Variants in CFAP92 observed in about 807,000 individuals in gnomAD.
CFAP92 encodes the protein cilia and flagella associated protein 92 (putative), also known as uncharacterized protein CFAP92.
In CFAP92, 86 loss-of-function variants were observed where a neutral mutation model predicts 106.3. The ratio of observed to expected loss-of-function variants is 0.81; its 90% CI spans 0.68 to 0.97. CFAP92 has a LOEUF of 0.97. CFAP92 is among the 50% of genes least tolerant of loss of function. The pLI is 0.00. For missense variants in CFAP92, 1,204 were observed against 1,283.8 expected (o/e 0.94, Z 0.95); for synonymous variants, 477 against 506.4 (o/e 0.94, Z 0.78).
chr3:128,981,046 T>G (rs1943497327), intron 4 of CFAP92, among the ~76,000 whole-genome samples: 1 of 151,822 alleles, frequency 6.6e-6, no homozygotes, highest in Admixed American at 6.6e-5. Context: ...TTCTTTTTTT[T>G]TTTTTTTCGA....
At chr3:128,971,177 G>A in intron 8 of CFAP92, 110 bp downstream of exon 8, 1 of 1,549,656 alleles carries the variant, frequency 6.5e-7, no homozygotes, top group African/African-American at 1.4e-5. Context: ...GTGGCTGTGA[G>A]GATGAAATGA....
At chr3:129,019,023 C>T in the CFAP92 span, among the ~76,000 whole-genome samples, 20 of 152,330 alleles carry the variant, frequency 1.3e-4, no homozygotes, top group Non-Finnish European at 1.3e-4. Context: ...TGTCCTCCCC[C>T]ACACCACCGT....
chr3:128,988,943 C>A, intron 2 of CFAP92, 25 bp from the exon 3 acceptor site: 3 of 1,580,468 alleles, frequency 1.9e-6, no homozygotes, highest in South Asian at 2.2e-5. Context: ...TTGAAAAAGT[C>A]TCGTTTTAAC....
At chr3:129,021,569 C>T in the CFAP92 span, among the ~76,000 whole-genome samples, 4 of 152,092 alleles carry the variant, frequency 2.6e-5, no homozygotes, top group South Asian at 2.1e-4. Context: ...ATTGAAACTC[C>T]GTCTCAAAAA....
chr3:129,020,584 C>T, the CFAP92 span, among the ~76,000 whole-genome samples: 1 of 152,152 alleles, frequency 6.6e-6, no homozygotes, highest in Non-Finnish European at 1.5e-5. Flanking sequence ...CTGCAGTGAG[C>T]TGAGATCACG....
At chr3:128,914,347 C>T (rs990617890) in intron 15 of CFAP92, among the ~76,000 whole-genome samples, 15 of 152,090 alleles carry the variant, frequency 9.9e-5, no homozygotes, top group African/African-American at 3.6e-4. Context: ...CTAGGGCCTA[C>T]TGGGGAGGGA....
Position 128,945,129 on chromosome 3 carries a change from T to A in CFAP92, c.2200A>T (p.Ile734Phe). 1 of 1,535,746 alleles carries A rather than the reference T, an allele frequency of 6.5e-7. No homozygotes were observed. Among genetic ancestry groups the A allele is most frequent in the Non-Finnish European group, 8.7e-7 (1 of 1,146,598 alleles). ...HLLDGKTHLF[I>F]LEGLADQGLR... ...CCTTGGTCGGCCAGGCCTTCCAGGA[T>A]GAAAAGGTGTGTCTTCCCGTCCAGC... is the stretch of plus-strand genomic sequence containing the variant. The change falls in exon 10 of 16, where the codon ATC becomes TTC. Residue 734 changes from isoleucine to phenylalanine, a missense_variant. Transcript: ENST00000645291.
intron 10 of CFAP92, among the ~76,000 whole-genome samples, chr3:128,941,709 T>C (rs999899318): frequency 6.6e-6 from 1 of 152,212 alleles, no homozygotes; most frequent in African/African-American, 2.4e-5. Flanking sequence ...ACTCCTGACC[T>C]CAGGCGATCC....
At chr3:128,993,911 A>T (rs1423542396) in intron 1 of CFAP92, 69 bp downstream of exon 1, 1 of 970,866 alleles carries the variant, frequency 1.0e-6, no homozygotes, top group African/African-American at 1.8e-5. Flanking sequence ...GCGAGGCGGG[A>T]AGAGTCCCGG....
At chr3:128,910,464 C>G in intron 15 of CFAP92, 131 bp from the exon 16 acceptor site, 1 of 909,952 alleles carries the variant, frequency 1.1e-6, no homozygotes, top group South Asian at 1.7e-5. Context: ...CCACTGTATA[C>G]CAGGATCTCT....
At chr3:128,960,777 T>G in intron 9 of CFAP92, among the ~76,000 whole-genome samples, 1 of 152,254 alleles carries the variant, frequency 6.6e-6, no homozygotes, top group Admixed American at 6.5e-5. Flanking sequence ...AGTCCCGCTT[T>G]CCTGGGGCAG....
intron 7 of CFAP92, 26 bp from the exon 8 acceptor site, chr3:128,971,459 G>A (rs537073426): frequency 6.5e-7 from 1 of 1,537,884 alleles, no homozygotes; most frequent in South Asian, 1.2e-5. Flanking sequence ...AAGGAGATGA[G>A]CATTAAGAGG....
At chr3:128,950,473 C>T (rs1369907247) in intron 9 of CFAP92, among the ~76,000 whole-genome samples, 1 of 152,206 alleles carries the variant, frequency 6.6e-6, no homozygotes, top group East Asian at 1.9e-4. Context: ...AAGCGGACTA[C>T]ACACGTGACG....
intron 12 of CFAP92, among the ~76,000 whole-genome samples, chr3:128,932,358 G>A (rs1425071988): frequency 1.4e-5 from 2 of 139,780 alleles, no homozygotes; most frequent in Non-Finnish European, 1.5e-5. Context: ...CTTATGCCCT[G>A]AGCAGCGTAA....
At chr3:128,910,804 C>G (rs1936209143) in intron 15 of CFAP92, 2 of 1,614,198 alleles carry the variant, frequency 1.2e-6, no homozygotes, top group Non-Finnish European at 8.5e-7. Context: ...CCTCTCTCAG[C>G]TGGACAAGTG....
intron 12 of CFAP92, among the ~76,000 whole-genome samples, chr3:128,927,739 A>AT (rs1284815944): frequency 6.6e-6 from 1 of 151,772 alleles, no homozygotes; most frequent in African/African-American, 2.4e-5. Context: ...AAAAAAAAAA[A>AT]ATTAATTCTA....
At chr3:128,918,182 T>C (rs1091938) in intron 12 of CFAP92, among the ~76,000 whole-genome samples, 58,402 of 152,122 alleles carry the variant, frequency 0.38, 12,610 homozygotes, top group African/African-American at 0.57. Flanking sequence ...CTTTAAAAAC[T>C]CTTGGGGCCA....
upstream of CFAP92, chr3:129,003,943 G>A (rs1944932778): frequency 2.1e-6 from 3 of 1,406,184 alleles, no homozygotes; most frequent in Non-Finnish European, 2.8e-6. Context: ...CCGAGGTGCG[G>A]CGGCGCGCGG....
chr3:128,948,961 G>T (rs942921008), intron 9 of CFAP92, among the ~76,000 whole-genome samples: 1 of 152,198 alleles, frequency 6.6e-6, no homozygotes, highest in East Asian at 1.9e-4. Flanking sequence ...CACATCAAAA[G>T]ATGCTCAACA....
Sources: allele counts gnomAD v4.1 joint callset (sites outside exome capture counted in the v4.1 genomes callset), GRCh38; gene constraint gnomAD v4.1.1; transcripts MANE v1.5; gene names NCBI Gene and HGNC (gene_info 2026-07-23, HGNC 2026-07-21).